Variants in SEZ6L observed in about 807,000 individuals in gnomAD.
The protein encoded by SEZ6L is seizure 6-like protein.
A neutral mutation model predicts 106.2 loss-of-function variants in SEZ6L; 37 were observed. The ratio of observed to expected loss-of-function variants is 0.35; its 90% CI spans 0.27 to 0.46. SEZ6L has a LOEUF of 0.46. SEZ6L is among the 20% of genes least tolerant of loss of function. SEZ6L has a pLI of 1.00. For synonymous variants in SEZ6L, 541 were observed against 570.4 expected (o/e 0.95, Z 0.73); for missense variants, 1,172 against 1,332.8 (o/e 0.88, Z 1.88).
intron 5 of SEZ6L, 48 bp downstream of exon 5, chr22:26,299,217 G>A: frequency 7.6e-7 from 1 of 1,315,752 alleles, no homozygotes. Flanking sequence ...CAACTAAGAG[G>A]GGAAAGACCA....
intron 13 of SEZ6L, among the ~76,000 whole-genome samples, chr22:26,367,507 C>G (rs188357839): frequency 0.011 from 1,667 of 152,006 alleles, 16 homozygotes; most frequent in Non-Finnish European, 0.018. Flanking sequence ...CCACGCCCAG[C>G]TAAATTTTTT....
At chr22:26,334,084 C>G (rs2082572669) in intron 9 of SEZ6L, among the ~76,000 whole-genome samples, 1 of 152,122 alleles carries the variant, frequency 6.6e-6, no homozygotes, top group African/African-American at 2.4e-5. Context: ...AGTTGGCACT[C>G]TATCCTAAGA....
intron 1 of SEZ6L, among the ~76,000 whole-genome samples, chr22:26,205,645 G>A (rs527245660): frequency 9.2e-5 from 14 of 151,908 alleles, no homozygotes; most frequent in African/African-American, 1.9e-4. Flanking sequence ...GCAAAATCTC[G>A]GTGGTGGGGG....
intron 12 of SEZ6L, chr22:26,351,548 G>T (rs1207363): frequency 0.74 from 165,513 of 223,548 alleles, 62,112 homozygotes; most frequent in East Asian, 0.91. Context: ...TTTGTTTGTT[G>T]GTTGGTTGGT....
In SEZ6L at chr22:26,335,065, A is replaced by G. The variant is rs536617923; in HGVS notation, c.2016-5371A>G. 1.2e-4 allele frequency among the ~76,000 whole-genome samples: 19 copies of G among 152,082 alleles called. 1 individual carries two copies. In the South Asian group the frequency reaches 2.9e-3, roughly 23 times the overall value. On this transcript the variant is annotated intron_variant, in intron 9 of 16. Coordinates refer to ENST00000248933, the MANE Select transcript of SEZ6L (RefSeq NM_021115.5). ...CCTGCAGTGAACTCAACACATTTTC[A>G]TCTCGGTTGCTTACAAAGGTCCGAT...
At position 26,228,280 on chromosome 22, in the gene SEZ6L, C is replaced by A. The variant is rs534912111; in HGVS notation, c.94+58517C>A. ...TAACCATGCTCTAAAAAATGAGAGT[C>A]TGGGTCGATGAAGGGCCAGGCTGCA... On this transcript the variant is annotated intron_variant, in intron 1 of 16. Transcript: ENST00000248933. 8.5e-5 allele frequency among the ~76,000 whole-genome samples: 13 copies of A among 152,272 alleles called. No individual in the cohort carries two copies. The South Asian group carries it at 1.7e-3, about 19-fold the overall frequency.
intron 9 of SEZ6L, among the ~76,000 whole-genome samples, chr22:26,319,205 G>A (rs2082086419): frequency 1.3e-5 from 2 of 152,130 alleles, no homozygotes; most frequent in South Asian, 4.1e-4. Context: ...AGTCTTCCCA[G>A]AGTCCAAGCA....
chr22:26,333,672 A>G (rs1450434353), intron 9 of SEZ6L, among the ~76,000 whole-genome samples: 2 of 152,076 alleles, frequency 1.3e-5, no homozygotes, highest in African/African-American at 4.8e-5. Context: ...TGAGTGAGAC[A>G]TGGGAGGGCC....
In SEZ6L at chr22:26,340,524, G is replaced by T; in HGVS notation, c.2104G>T (p.Gly702Cys). ...HILGQYLGNSGPQKLYSSTPD... is the reference protein window; with the variant it reads ...HILGQYLGNSCPQKLYSSTPD... ...CTTGGGGCAGTACCTTGGGAACAGT[G>T]GCCCCCAGAAACTGTACTCCTCCAC... is the stretch of plus-strand genomic sequence containing the variant. The change falls in exon 10 of 17, where the codon GGC (glycine) becomes TGC (cysteine). Residue 702 changes from glycine to cysteine, a missense_variant. Around this residue, in one of 4 missense-constraint regions of SEZ6L, gnomAD observed 534 missense variants for 691.0 expected, o/e 0.77. Transcript: ENST00000248933. 1 of 1,614,046 alleles carries T rather than the reference G, an allele frequency of 6.2e-7. No homozygotes were observed. The highest frequency in any genetic ancestry group is 8.5e-7 in the Non-Finnish European group (1 of 1,179,982).
At chr22:26,271,358 C>G (rs1431138460) in intron 1 of SEZ6L, among the ~76,000 whole-genome samples, 1 of 152,202 alleles carries the variant, frequency 6.6e-6, no homozygotes, top group African/African-American at 2.4e-5. Flanking sequence ...AACCAGCATT[C>G]TGTTGGGAAT....
intron 10 of SEZ6L, among the ~76,000 whole-genome samples, chr22:26,343,315 C>T: frequency 1.5e-5 from 2 of 132,904 alleles, no homozygotes. Flanking sequence ...CTGCATTCAG[C>T]TTGATGGCCA....
At position 26,296,783 on chromosome 22, in the gene SEZ6L, C is replaced by T. The variant is rs1003495383; in HGVS notation, c.970-105C>T. On this transcript the variant is annotated intron_variant, in intron 3 of 16. Transcript: ENST00000248933. Reference sequence around the variant, plus strand: ...GCCCAGGGGTCCCGTTGACCAGGGGCTAGCAGTACCTGGGCCACTTTTCAC... The same window carrying T: ...GCCCAGGGGTCCCGTTGACCAGGGGTTAGCAGTACCTGGGCCACTTTTCAC... 5.1e-6 allele frequency: 5 copies of T among 972,274 alleles called. No individual in the cohort carries two copies. The South Asian group carries it at 9.9e-5, about 19-fold the overall frequency. The allele number at this position is 972,274 out of a possible 1,614,324, so 60.2% of individuals were successfully genotyped here. A position where few individuals can be genotyped will look rare whatever the true frequency, so the allele number is the denominator to read the frequency against.
chr22:26,251,178 G>A (rs76304539), intron 1 of SEZ6L, among the ~76,000 whole-genome samples: 1 of 152,190 alleles, frequency 6.6e-6, no homozygotes, highest in Non-Finnish European at 1.5e-5. Context: ...CCAGCACTGT[G>A]TTTAATAGGA....
intron 1 of SEZ6L, among the ~76,000 whole-genome samples, chr22:26,189,289 A>T (rs771615019): frequency 1.2e-4 from 19 of 152,188 alleles, no homozygotes; most frequent in Non-Finnish European, 2.6e-4. Context: ...CTTGTCCGGG[A>T]TTTTATGTTT....
intron 1 of SEZ6L, among the ~76,000 whole-genome samples, chr22:26,228,967 C>A (rs2078716857): frequency 6.6e-6 from 1 of 152,142 alleles, no homozygotes; most frequent in Non-Finnish European, 1.5e-5. Context: ...GTGGTGGTTT[C>A]ATGGATGTAT....
intron 1 of SEZ6L, among the ~76,000 whole-genome samples, chr22:26,222,020 A>G (rs894967846): frequency 6.6e-6 from 1 of 152,182 alleles, no homozygotes; most frequent in Non-Finnish European, 1.5e-5. Context: ...CAAGGTATCA[A>G]TAGAAGAGAA....
chr22:26,348,806 A>AGGGGGGGGGAAGGGGAGGGG (rs2083168514), intron 11 of SEZ6L, among the ~76,000 whole-genome samples: 1 of 7,442 alleles, frequency 1.3e-4, no homozygotes, highest in Non-Finnish European at 2.2e-4. Flanking sequence ...AAGGGGAGGG[A>AGGGGGGGGGAAGGGGAGGGG]AGGGGAGAGA....
At chr22:26,299,239 A>G in intron 5 of SEZ6L, 70 bp downstream of exon 5, 1 of 1,216,266 alleles carries the variant, frequency 8.2e-7, no homozygotes, top group South Asian at 2.8e-5. Flanking sequence ...CCTGTAGGAC[A>G]CCGAGAGTGA....
At chr22:26,376,929 T>C (rs1462185286) in intron 15 of SEZ6L, among the ~76,000 whole-genome samples, 1 of 151,850 alleles carries the variant, frequency 6.6e-6, no homozygotes, top group African/African-American at 2.4e-5. Context: ...CACACTAAGA[T>C]AAACACAATG....
Sources: gnomAD v4.1 joint callset for allele counts (sites outside exome capture counted in the v4.1 genomes callset) on GRCh38, gnomAD v4.1.1 for gene constraint, gnomAD v4.1.1 regional missense constraint, MANE v1.5 for transcripts, NCBI Gene and HGNC (gene_info 2026-07-23, HGNC 2026-07-21) for gene names.